Variants in RIMS2 observed in about 807,000 individuals in gnomAD.
RIMS2 encodes the protein regulating synaptic membrane exocytosis protein 2.
A neutral mutation model predicts 174.4 loss-of-function variants in RIMS2; 59 were observed. The ratio of observed to expected loss-of-function variants is 0.34; its 90% confidence interval spans 0.27 to 0.42. The LOEUF is 0.42. Among genes scored for constraint, RIMS2 ranks in the 10% least tolerant of loss-of-function variants. RIMS2 has a pLI of 1.00. For missense variants in RIMS2, 1,620 were observed against 1,666.3 expected, an observed-to-expected ratio of 0.97 and a Z score of 0.48; for synonymous variants, 606 against 572.5, an observed-to-expected ratio of 1.06 and a Z score of -0.84.
chr8:103,901,539 A>G (rs1394033858), intron 4 of RIMS2, among the ~76,000 whole-genome samples: 2 of 152,114 alleles, frequency 1.3e-5, no homozygotes, highest in East Asian at 1.9e-4. Flanking sequence ...ATCTATATAC[A>G]TATTTAAATT....
intron 19 of RIMS2, among the ~76,000 whole-genome samples, chr8:104,018,373 C>T (rs955095177): frequency 6.6e-6 from 1 of 152,084 alleles, no homozygotes; most frequent in Non-Finnish European, 1.5e-5. Flanking sequence ...TTTATAAATG[C>T]ACAATGAAGA....
intron 1 of RIMS2, among the ~76,000 whole-genome samples, chr8:103,562,231 C>CA (rs565381624): frequency 9.2e-4 from 140 of 152,192 alleles, no homozygotes; most frequent in Non-Finnish European, 1.7e-3. Context: ...CAAAAGTCCA[C>CA]AATCCAAAGT....
intron 1 of RIMS2, among the ~76,000 whole-genome samples, chr8:103,530,223 A>G (rs1836348529): frequency 1.3e-5 from 2 of 152,216 alleles, no homozygotes; most frequent in Non-Finnish European, 2.9e-5. Flanking sequence ...TTGTAGATGC[A>G]TATTATAATT....
intron 19 of RIMS2, among the ~76,000 whole-genome samples, chr8:104,184,866 A>T (rs1218388497): frequency 6.6e-6 from 1 of 151,506 alleles, no homozygotes; most frequent in Non-Finnish European, 1.5e-5. Context: ...GAAACTTTTT[A>T]ATACGTATGT....
chr8:104,093,500 G>C, intron 19 of RIMS2: 2 of 1,596,978 alleles, frequency 1.3e-6, no homozygotes, highest in Non-Finnish European at 1.7e-6. Context: ...CTCATAGAGG[G>C]GCAGATAATG....
intron 3 of RIMS2, among the ~76,000 whole-genome samples, chr8:103,850,601 C>T (rs1042149625): frequency 1.3e-5 from 2 of 151,994 alleles, no homozygotes; most frequent in African/African-American, 4.8e-5. Context: ...GAGACTGGAG[C>T]CATCCTAATT....
At chr8:104,234,537 G>A (rs2099248826) in intron 19 of RIMS2, among the ~76,000 whole-genome samples, 1 of 145,986 alleles carries the variant, frequency 6.8e-6, no homozygotes, top group African/African-American at 2.6e-5. Context: ...CTTTAGTGTA[G>A]TAATAGCAAC....
intron 1 of RIMS2, among the ~76,000 whole-genome samples, chr8:103,684,966 T>A (rs1400621890): frequency 1.3e-5 from 2 of 152,312 alleles, no homozygotes; most frequent in African/African-American, 4.8e-5. Context: ...TCACAAAGAA[T>A]TTCTTGAATG....
chr8:103,865,719 G>GA lies in RIMS2; in HGVS notation c.699-19572dup, dbSNP rs888497167. Among the ~76,000 whole-genome samples, 5 of 151,910 alleles carry GA rather than the reference G, an allele frequency of 3.3e-5. No homozygotes were observed. In the South Asian group the frequency reaches 1.0e-3, roughly 32 times the overall value. ...TTTAAATTCTTTATGTTCATTATCA[G>GA]AAAAAAACTTTCCTTAAAAGGTGAC... On this transcript the variant is annotated intron_variant, in intron 3 of 23. Transcript: ENST00000504942.
At chr8:103,550,627 G>A (rs1363472117) in intron 1 of RIMS2, among the ~76,000 whole-genome samples, 1 of 151,934 alleles carries the variant, frequency 6.6e-6, no homozygotes, top group Non-Finnish European at 1.5e-5. Flanking sequence ...GAAGGAGATA[G>A]AGACACAAAA....
chr8:104,147,887 C>T (rs1019988428), intron 19 of RIMS2, among the ~76,000 whole-genome samples: 1 of 152,222 alleles, frequency 6.6e-6, no homozygotes, highest in African/African-American at 2.4e-5. Context: ...AATCAGCTCA[C>T]ATGCCTCAGT....
At chr8:104,179,593 T>A (rs1228216723) in intron 19 of RIMS2, among the ~76,000 whole-genome samples, 1 of 151,918 alleles carries the variant, frequency 6.6e-6, no homozygotes, top group African/African-American at 2.4e-5. Flanking sequence ...TATTTTGTGC[T>A]TAGTAAACTT....
At chr8:103,962,255 C>A (rs537413632) in intron 15 of RIMS2, among the ~76,000 whole-genome samples, 5 of 152,042 alleles carry the variant, frequency 3.3e-5, no homozygotes, top group Admixed American at 2.0e-4. Flanking sequence ...TTAATATGAT[C>A]ATTTTAAGTT....
At chr8:104,114,330 T>C (rs2098245108) in intron 19 of RIMS2, among the ~76,000 whole-genome samples, 1 of 151,986 alleles carries the variant, frequency 6.6e-6, no homozygotes, top group South Asian at 2.1e-4. Context: ...TCTCGATTTG[T>C]GGTTATTACA....
intron 1 of RIMS2, among the ~76,000 whole-genome samples, chr8:103,582,999 G>A (rs1268491059): frequency 1.3e-5 from 2 of 152,216 alleles, no homozygotes; most frequent in Non-Finnish European, 2.9e-5. Context: ...GTGCTGTGCT[G>A]GCTTCAGGTC....
intron 19 of RIMS2, among the ~76,000 whole-genome samples, chr8:104,173,696 C>A (rs1271553731): frequency 8.0e-6 from 1 of 125,492 alleles, no homozygotes; most frequent in Admixed American, 9.7e-5. Context: ...TGGTGCGATC[C>A]TGGCTCACTG....
At chr8:103,656,353 A>G (rs1433075960) in intron 1 of RIMS2, among the ~76,000 whole-genome samples, 2 of 152,148 alleles carry the variant, frequency 1.3e-5, no homozygotes, top group African/African-American at 4.8e-5. Flanking sequence ...CCAGAGATAT[A>G]TTTTTGAGAG....
At chr8:104,094,735 A>G in intron 19 of RIMS2, 1 of 666,906 alleles carries the variant, frequency 1.5e-6, no homozygotes, top group South Asian at 1.7e-5. Context: ...ACCAGGTAAA[A>G]TATGTTATTT....
At chr8:103,800,020 T>A (rs775961162) in intron 3 of RIMS2, among the ~76,000 whole-genome samples, 1 of 152,210 alleles carries the variant, frequency 6.6e-6, no homozygotes, top group Non-Finnish European at 1.5e-5. Flanking sequence ...GTGGACATGA[T>A]GAAGTATGAA....
Sources: allele counts gnomAD v4.1 joint callset (sites outside exome capture counted in the v4.1 genomes callset), GRCh38; gene constraint gnomAD v4.1.1; transcripts MANE v1.5; gene names NCBI Gene and HGNC (gene_info 2026-07-23, HGNC 2026-07-21).